The following ATP8B1 variants were observed in gnomAD, a reference collection of about 807,000 sequenced individuals.
ATP8B1 encodes the protein ATPase phospholipid transporting 8B1, also known as phospholipid-transporting ATPase IC.
In ATP8B1, 80 loss-of-function variants were observed where a neutral mutation model predicts 149.9. The observed-to-expected ratio is 0.53, with a 90% CI of 0.45 to 0.64. The LOEUF (loss-of-function observed/expected upper bound fraction) is 0.64. Among genes scored for constraint, ATP8B1 ranks in the 30% least tolerant of loss-of-function variants. The pLI is 0.00. For synonymous variants in ATP8B1, 536 were observed against 562.8 expected (o/e 0.95, Z 0.67); for missense variants, 1,247 against 1,552.6 (o/e 0.80, Z 3.31).
chr18:57,744,913 C>T (rs577797601), intron 1 of ATP8B1, among the ~76,000 whole-genome samples: 2 of 152,124 alleles, frequency 1.3e-5, no homozygotes, highest in Non-Finnish European at 2.9e-5. Context: ...TCCAGACTCA[C>T]TAGGAATGGC....
At chr18:57,729,545 CTTTCTTTT>C (rs1781136954) in intron 2 of ATP8B1, among the ~76,000 whole-genome samples, 2 of 48,046 alleles carry the variant, frequency 4.2e-5, no homozygotes, top group South Asian at 2.4e-3. Flanking sequence ...CATTTTCTTT[CTTTCTTTT>C]TTTTTTTTTT....
Position 57,654,061 on chromosome 18 carries a change from A to G in ATP8B1, c.2946T>C (p.Asp982=), listed in dbSNP as rs2122578365. The part of the protein sequence containing the change: ...NGYSAQTAYE[D]WFITLYNVLY... ...GCACGTTGTAGAGGGTGATGAACCA[A>G]TCCTCGTATGCAGTCTGTGAGGGGA... Residue 982 remains aspartate (D), a synonymous_variant, in exon 24 of 28, where the codon GAT becomes GAC. Transcript: ENST00000648908. 2 of 1,613,854 alleles carry G rather than the reference A, an allele frequency of 1.2e-6. No individual in the cohort carries two copies. The highest frequency in any genetic ancestry group is 8.5e-7 in the Non-Finnish European group (1 of 1,179,850).
chr18:57,739,330 T>C (rs2079888337), intron 1 of ATP8B1, among the ~76,000 whole-genome samples: 1 of 152,146 alleles, frequency 6.6e-6, no homozygotes, highest in African/African-American at 2.4e-5. Flanking sequence ...AACTTCAGTG[T>C]CCTCTTCCAC....
chr18:57,781,979 A>T lies in ATP8B1; in HGVS notation c.-26+21019T>A, dbSNP rs1459672111. Among the ~76,000 whole-genome samples, 6 of 152,338 alleles carry T rather than the reference A, an allele frequency of 3.9e-5. No individual in the cohort carries two copies. The East Asian group carries it at 9.6e-4, about 24-fold the overall frequency. On this transcript the variant is annotated intron_variant, in intron 1 of 27. Transcript: ENST00000648908. ...ACTCCAACCTGGGCAACAGAGCGAG[A>T]ACCCATCTCTAAAAACCAGTAATAA...
intron 1 of ATP8B1, among the ~76,000 whole-genome samples, chr18:57,765,784 C>T (rs1388487374): frequency 6.6e-6 from 1 of 151,654 alleles, no homozygotes; most frequent in Non-Finnish European, 1.5e-5. Context: ...CCAGTCTGGC[C>T]AACATGGTGA....
chr18:57,752,487 A>G (rs2080032143), intron 1 of ATP8B1, among the ~76,000 whole-genome samples: 1 of 152,198 alleles, frequency 6.6e-6, no homozygotes, highest in Non-Finnish European at 1.5e-5. Context: ...TCTTGATCCC[A>G]TGTAAAGCCC....
chr18:57,678,499 A>C (rs1045419596), intron 15 of ATP8B1, among the ~76,000 whole-genome samples: 96 of 151,858 alleles, frequency 6.3e-4, no homozygotes, highest in African/African-American at 2.3e-3. Context: ...AGGCAGGAGA[A>C]TCGCATAAAC....
In ATP8B1 at chr18:57,697,695, A is replaced by G; in HGVS notation, c.628-7T>C. On this transcript the variant is annotated splice_region_variant and splice_polypyrimidine_tract_variant and intron_variant, in intron 7 of 27. Coordinates refer to ENST00000648908, the MANE Select transcript of ATP8B1 (RefSeq NM_001374385.1). ...ACAGCAGGAGAATGTCAGCCTGTCC[A>G]AAACAAAACACACAAATAACACCGA... 1.2e-6 allele frequency: 2 copies of G among 1,614,128 alleles called. No homozygotes were observed. The highest frequency in any genetic ancestry group is 1.7e-6 in the Non-Finnish European group (2 of 1,180,022).
intron 11 of ATP8B1, 121 bp downstream of exon 11, chr18:57,694,461 G>T: frequency 1.4e-6 from 1 of 696,196 alleles, no homozygotes; most frequent in Non-Finnish European, 2.5e-6. Context: ...AGCTTGGAGT[G>T]CCCAATAATT....
At chr18:57,791,116 A>C (rs1200715456) in intron 1 of ATP8B1, among the ~76,000 whole-genome samples, 3 of 151,732 alleles carry the variant, frequency 2.0e-5, no homozygotes, top group Non-Finnish European at 2.9e-5. Flanking sequence ...CCAAACTGAA[A>C]CTCAGGGTCC....
chr18:57,700,979 G>A (rs1312679262), intron 6 of ATP8B1, 60 bp downstream of exon 6: 2 of 1,474,246 alleles, frequency 1.4e-6, no homozygotes, highest in East Asian at 2.3e-5. Context: ...CTCTGAATGT[G>A]TTTCTAGGCA....
At chr18:57,670,210 C>T (rs977756423) in intron 17 of ATP8B1, among the ~76,000 whole-genome samples, 4 of 152,276 alleles carry the variant, frequency 2.6e-5, no homozygotes, top group African/African-American at 7.2e-5. Context: ...ATGAACTCTC[C>T]ACTAAGCATT....
At position 57,732,117 on chromosome 18, in the gene ATP8B1, GTATATATATGTGTATA is replaced by G. The variant is rs1439307992; in HGVS notation, c.-25-301_-25-286del. The G allele has an allele frequency of 3.1e-3, 104 of 33,044 alleles. 37 individuals are homozygous for G. The highest frequency in any genetic ancestry group is 0.032 in the Middle Eastern group (2 of 62). The allele number at this position is 33,044 out of a possible 1,614,324, so 2.0% of individuals were successfully genotyped here. ...TATGTGTATATATATATGTATATATGTATATATATGTGTATATGTATATATGTGTATATATGTATAT... is the reference window on the plus strand; with the variant it reads ...TATGTGTATATATATATGTATATATGTGTATATATGTGTATATATGTATAT... On this transcript the variant is annotated intron_variant, in intron 1 of 27. Transcript: ENST00000648908.
chr18:57,704,541 G>A lies in ATP8B1; in HGVS notation c.393+14C>T, dbSNP rs571665533. On this transcript the variant is annotated intron_variant, in intron 4 of 27. Transcript: ENST00000648908. ...CTATAATTCAAACAGATTTAAGATA[G>A]CAAAGGGCATTACCTGTAAGATAAG... The A allele has an allele frequency of 2.0e-6, 3 of 1,493,808 alleles. No individual in the cohort carries two copies. Among genetic ancestry groups the A allele is most frequent in the East Asian group, 2.3e-5 (1 of 44,248 alleles). The allele number at this position is 1,493,808 out of a possible 1,614,324, so 92.5% of individuals were successfully genotyped here.
At chr18:57,745,876 A>G (rs1599185929) in intron 1 of ATP8B1, among the ~76,000 whole-genome samples, 1 of 151,834 alleles carries the variant, frequency 6.6e-6, no homozygotes, top group African/African-American at 2.4e-5. Context: ...GCCCAGGCTG[A>G]TCCCAAACTC....
intron 1 of ATP8B1, among the ~76,000 whole-genome samples, chr18:57,800,153 T>C (rs1386800219): frequency 3.3e-5 from 5 of 152,130 alleles, no homozygotes; most frequent in African/African-American, 1.2e-4. Context: ...TAAAATTAAG[T>C]GCTTAAGCAA....
At position 57,672,931 on chromosome 18, in the gene ATP8B1, T is replaced by G. The variant is rs12454313; in HGVS notation, c.1820-1351A>C. Among the ~76,000 whole-genome samples the G allele has an allele frequency of 5.4e-4, 18 of 33,196 alleles. 1 individual carries two copies. The East Asian group carries it at 0.014, about 27-fold the overall frequency. 21.8% of individuals were successfully genotyped at this position (33,196 alleles called of 152,430 possible). A position where few individuals can be genotyped will look rare whatever the true frequency, so the allele number is the denominator to read the frequency against. ...ATATATATATATATATATATATATATAACATGTATATACACATATATACAT... is the reference window on the plus strand; with the variant it reads ...ATATATATATATATATATATATATAGAACATGTATATACACATATATACAT... On this transcript the variant is annotated intron_variant, in intron 16 of 27. Coordinates refer to ENST00000648908, the MANE Select transcript of ATP8B1 (RefSeq NM_001374385.1).
intron 22 of ATP8B1, among the ~76,000 whole-genome samples, chr18:57,657,336 T>C (rs187948243): frequency 3.3e-5 from 5 of 152,274 alleles, no homozygotes; most frequent in Admixed American, 3.3e-4. Context: ...AATAACACTT[T>C]CAAATTAGAG....
chr18:57,731,408 C>A (rs2079764398), intron 2 of ATP8B1: 8 of 461,446 alleles, frequency 1.7e-5, no homozygotes, highest in East Asian at 4.1e-5. Flanking sequence ...TGTATTTTCT[C>A]TGCAGAACTT....
Sources: gnomAD v4.1 joint callset for allele counts (sites outside exome capture counted in the v4.1 genomes callset) on GRCh38, gnomAD v4.1.1 for gene constraint, MANE v1.5 for transcripts, NCBI Gene and HGNC (gene_info 2026-07-23, HGNC 2026-07-21) for gene names.